The following TMEFF1 variants were observed in gnomAD, a reference collection of about 807,000 sequenced individuals.
The protein encoded by TMEFF1 is tomoregulin-1.
TMEFF1 carries 20 observed loss-of-function variants against 47.5 expected under a neutral mutation model. The ratio of observed to expected loss-of-function variants is 0.42; its 90% CI spans 0.30 to 0.61. The LOEUF is 0.61. Among genes scored for constraint, TMEFF1 ranks in the 20% least tolerant of loss-of-function variants. TMEFF1 has a pLI of 0.19. For synonymous variants in TMEFF1, 162 were observed against 166.3 expected, an observed-to-expected ratio of 0.97 and a Z score of 0.20; for missense variants, 411 against 471.1, an observed-to-expected ratio of 0.87 and a Z score of 1.18.
intron 3 of TMEFF1, 55 bp from the exon 4 acceptor site, chr9:100,513,252 T>C (rs1004250904): frequency 2.5e-6 from 4 of 1,575,388 alleles, no homozygotes; most frequent in Non-Finnish European, 3.4e-6. Context: ...TATTATTTGA[T>C]AAGATGAAAT....
At chr9:100,519,647 CTT>C (rs60569330) in intron 5 of TMEFF1, among the ~76,000 whole-genome samples, 16 of 65,168 alleles carry the variant, frequency 2.5e-4, no homozygotes, top group East Asian at 2.4e-3. Context: ...TGCCCAGTGA[CTT>C]TTTTTTTTTT....
intron 1 of TMEFF1, among the ~76,000 whole-genome samples, chr9:100,485,960 A>C (rs1837439715): frequency 6.6e-6 from 1 of 151,970 alleles, no homozygotes; most frequent in Non-Finnish European, 1.5e-5. Context: ...TAAGGTTCTA[A>C]AGTTCTTAAC....
chr9:100,532,875 T>G (rs1168970878), intron 5 of TMEFF1, among the ~76,000 whole-genome samples: 2 of 152,112 alleles, frequency 1.3e-5, no homozygotes, highest in Admixed American at 1.3e-4. Flanking sequence ...TAAGAAAATA[T>G]GGCATATATA....
At chr9:100,558,160 T>C (rs978789410) in intron 7 of TMEFF1, among the ~76,000 whole-genome samples, 3 of 152,184 alleles carry the variant, frequency 2.0e-5, no homozygotes, top group East Asian at 1.9e-4. Flanking sequence ...AGTTCTCTTA[T>C]AGCTTTCAGC....
At chr9:100,517,869 T>C (rs1243283479) in intron 5 of TMEFF1, among the ~76,000 whole-genome samples, 1 of 152,212 alleles carries the variant, frequency 6.6e-6, no homozygotes, top group Non-Finnish European at 1.5e-5. Flanking sequence ...ATAGATATTA[T>C]GCTGTTTCTT....
chr9:100,494,132 A>T (rs371040200), intron 1 of TMEFF1, among the ~76,000 whole-genome samples: 82 of 150,942 alleles, frequency 5.4e-4, no homozygotes, highest in African/African-American at 2.0e-3. Flanking sequence ...GCTTGAGCCC[A>T]GGAGGCAGAG....
intron 4 of TMEFF1, 93 bp downstream of exon 4, chr9:100,513,426 T>C: frequency 6.1e-6 from 8 of 1,306,742 alleles, no homozygotes; most frequent in Non-Finnish European, 8.3e-6. Context: ...AGCTTTGAGA[T>C]ATAATTCACA....
intron 5 of TMEFF1, among the ~76,000 whole-genome samples, chr9:100,532,948 T>C (rs975835215): frequency 4.6e-5 from 7 of 151,698 alleles, no homozygotes; most frequent in Non-Finnish European, 8.8e-5. Context: ...GGGACATGGA[T>C]GAAATTGGAA....
At chr9:100,515,760 A>C (rs1838058106) in intron 4 of TMEFF1, among the ~76,000 whole-genome samples, 1 of 151,990 alleles carries the variant, frequency 6.6e-6, no homozygotes, top group Admixed American at 6.5e-5. Flanking sequence ...ATCCAGGCTG[A>C]GATTGCGCCA....
At chr9:100,529,661 A>G (rs1363104406) in intron 5 of TMEFF1, among the ~76,000 whole-genome samples, 4 of 152,158 alleles carry the variant, frequency 2.6e-5, no homozygotes, top group East Asian at 1.9e-4. Context: ...TTAACACCCC[A>G]CTGTCAACAG....
intron 1 of TMEFF1, among the ~76,000 whole-genome samples, chr9:100,492,178 C>T (rs1265013996): frequency 6.6e-6 from 1 of 152,228 alleles, no homozygotes; most frequent in Non-Finnish European, 1.5e-5. Context: ...GCCACCGCAC[C>T]TGGCCTCCTC....
intron 3 of TMEFF1, among the ~76,000 whole-genome samples, chr9:100,512,249 G>T (rs1037471548): frequency 2.0e-5 from 3 of 152,002 alleles, no homozygotes; most frequent in South Asian, 2.1e-4. Flanking sequence ...TCATTTTGTG[G>T]TTGATTAATC....
intron 8 of TMEFF1, among the ~76,000 whole-genome samples, chr9:100,561,726 G>A (rs1839019937): frequency 6.7e-6 from 1 of 150,076 alleles, no homozygotes; most frequent in Non-Finnish European, 1.5e-5. Context: ...TTTTTTTAGG[G>A]CTTAACATTT....
In TMEFF1 at chr9:100,473,497, C is replaced by T. The variant is rs1837158302; in HGVS notation, c.-48C>T. On this transcript the variant is annotated 5_prime_UTR_variant, in exon 1 of 10. Transcript: ENST00000374879. The surrounding 1 kb of genome is among the most constrained non-coding windows in gnomAD (Gnocchi z 5.4). ...GGGCTCTGGGCGCGCGGCTGGATGCCCCCGGCCTGCGGCTCCCTGCGCTTC... is the reference window on the plus strand; with the variant it reads ...GGGCTCTGGGCGCGCGGCTGGATGCTCCCGGCCTGCGGCTCCCTGCGCTTC... 9.8e-6 allele frequency: 13 copies of T among 1,325,122 alleles called. No individual in the cohort carries two copies. The highest frequency in any genetic ancestry group is 1.2e-5 in the Non-Finnish European group (13 of 1,040,630). 82.1% of individuals were successfully genotyped at this position (1,325,122 alleles called of 1,614,324 possible). A position where few individuals can be genotyped will look rare whatever the true frequency, so the allele number is the denominator to read the frequency against.
rs1226298789 is a variant in TMEFF1, at chr9:100,473,658, C to G, written c.114C>G (p.Arg38=). The stretch of plus-strand genomic sequence containing the variant: ...TCGCCTTCTCTCTGCCCGGGAGCCG[C>G]GCGTCCAACCAGCCCCCGGGTGGTG... ...LLFAFSLPGS[R]ASNQPPGGGG... Residue 38 remains arginine, a synonymous_variant, in exon 1 of 10, where the codon CGC becomes CGG. Transcript: ENST00000374879. The surrounding 1 kb of genome is among the most constrained non-coding windows in gnomAD (Gnocchi z 5.4). 3.9e-6 allele frequency: 6 copies of G among 1,547,324 alleles called. No individual in the cohort carries two copies. Among genetic ancestry groups the G allele is most frequent in the South Asian group, 1.2e-5 (1 of 82,954 alleles).
Position 100,572,028 on chromosome 9 carries a change from A to G in TMEFF1, c.900-490A>G, listed in dbSNP as rs1159723450. Among the ~76,000 whole-genome samples the G allele has an allele frequency of 5.3e-5, 8 of 152,076 alleles. No homozygotes were observed. In the East Asian group the frequency reaches 1.4e-3, roughly 26 times the overall value. Reference sequence around the variant, plus strand: ...ACAAAGAAGCTTTGCTTACTTGCCCACCACTCACCTCCTGCTGTGTGGCCT... The same window carrying G: ...ACAAAGAAGCTTTGCTTACTTGCCCGCCACTCACCTCCTGCTGTGTGGCCT... On this transcript the variant is annotated intron_variant, in intron 8 of 9. Coordinates refer to ENST00000374879, the MANE Select transcript of TMEFF1 (RefSeq NM_003692.5).
intron 5 of TMEFF1, among the ~76,000 whole-genome samples, chr9:100,537,133 T>A (rs1320542490): frequency 2.6e-5 from 4 of 152,172 alleles, no homozygotes; most frequent in Middle Eastern, 3.4e-3. Context: ...ACCTACAGAG[T>A]TGAGTATATT....
chr9:100,534,524 T>C (rs1305474169), intron 5 of TMEFF1, among the ~76,000 whole-genome samples: 1 of 152,206 alleles, frequency 6.6e-6, no homozygotes, highest in African/African-American at 2.4e-5. Context: ...CTTGGCAGTC[T>C]GCAAACAGCT....
chr9:100,525,975 C>G (rs533029008), intron 5 of TMEFF1, among the ~76,000 whole-genome samples: 77 of 152,162 alleles, frequency 5.1e-4, no homozygotes, highest in Non-Finnish European at 6.3e-4. Flanking sequence ...TTTTACTCTC[C>G]TATTTTATTA....
Sources: allele counts gnomAD v4.1 joint callset (sites outside exome capture counted in the v4.1 genomes callset), GRCh38; gene constraint gnomAD v4.1.1; non-coding constraint Gnocchi (gnomAD v3.1); transcripts MANE v1.5; gene names NCBI Gene and HGNC (gene_info 2026-07-23, HGNC 2026-07-21).